Variants in SLFN12L observed in about 807,000 individuals in gnomAD.
The protein encoded by SLFN12L is schlafen family member 12-like.
SLFN12L carries 34 observed loss-of-function variants against 34.8 expected under a neutral mutation model. That is an observed-to-expected ratio of 0.98 (90% CI 0.74 to 1.30). The LOEUF (loss-of-function observed/expected upper bound fraction) is 1.30, where lower values mean the gene tolerates loss of function less well. Ranked by LOEUF, SLFN12L falls within the 50% of genes most tolerant of loss-of-function variation. SLFN12L has a pLI of 0.00. For synonymous variants in SLFN12L, 259 were observed against 247.5 expected, an observed-to-expected ratio of 1.05 and a Z score of -0.44; for missense variants, 703 against 696.2, an observed-to-expected ratio of 1.01 and a Z score of -0.11.
chr17:35,525,744 C>A (rs1441760498), intron 1 of SLFN12L, among the ~76,000 whole-genome samples: 3 of 152,134 alleles, frequency 2.0e-5, no homozygotes, highest in Non-Finnish European at 4.4e-5. Flanking sequence ...TGGTACCAGC[C>A]ACTTCAAAAA....
At chr17:35,478,308 A>C (rs1914129483) in intron 3 of SLFN12L, 123 bp from the exon 4 acceptor site, 1 of 604,648 alleles carries the variant, frequency 1.7e-6, no homozygotes. Flanking sequence ...CCAATACAGA[A>C]CATTAGATAT....
At position 35,466,181 on chromosome 17, in the gene SLFN12L, T is replaced by C. The variant is rs752018689; in HGVS notation, c.*8742A>G. On this transcript the variant is annotated 3_prime_UTR_variant, in exon 5 of 5. Coordinates refer to ENST00000628453, the MANE Select transcript of SLFN12L (RefSeq NM_001363830.2). ...ATCACTCAAAATCCATTGCGACTTTTACATTAGCGTTCATTCTTCTTGTAC... is the reference window on the plus strand; with the variant it reads ...ATCACTCAAAATCCATTGCGACTTTCACATTAGCGTTCATTCTTCTTGTAC... Among the ~76,000 whole-genome samples the C allele has an allele frequency of 3.3e-5, 5 of 152,208 alleles. No homozygotes were observed. Among genetic ancestry groups the C allele is most frequent in the Non-Finnish European group, 5.9e-5 (4 of 68,040 alleles).
intron 2 of SLFN12L, among the ~76,000 whole-genome samples, chr17:35,495,362 A>C (rs1915011540): frequency 1.3e-5 from 2 of 151,976 alleles, no homozygotes; most frequent in African/African-American, 2.4e-5. Flanking sequence ...AAGGGTTTCT[A>C]GGTAGGTCAA....
chr17:35,505,059 A>T (rs1915423439), intron 2 of SLFN12L, among the ~76,000 whole-genome samples: 2 of 152,356 alleles, frequency 1.3e-5, no homozygotes, highest in South Asian at 4.1e-4. Context: ...TTGAAGTCCC[A>T]TGAGGAATAC....
chr17:35,483,579 A>G (rs755505223), intron 2 of SLFN12L, among the ~76,000 whole-genome samples: 5 of 152,240 alleles, frequency 3.3e-5, no homozygotes, highest in Non-Finnish European at 7.3e-5. Flanking sequence ...TCTGTTATTT[A>G]TAAGTCACCC....
chr17:35,537,106 G>A (rs932492678), intron 1 of SLFN12L, among the ~76,000 whole-genome samples: 1 of 151,992 alleles, frequency 6.6e-6, no homozygotes, highest in Non-Finnish European at 1.5e-5. Context: ...TTGAGCCCTG[G>A]AAGGTCGAAG....
intron 2 of SLFN12L, among the ~76,000 whole-genome samples, chr17:35,482,974 A>C (rs1332115124): frequency 1.3e-5 from 2 of 152,090 alleles, no homozygotes; most frequent in Non-Finnish European, 2.9e-5. Flanking sequence ...GAAGAGATGA[A>C]GAGAGGACCA....
At chr17:35,501,885 AC>A (rs1330802591) in intron 2 of SLFN12L, among the ~76,000 whole-genome samples, 4 of 151,820 alleles carry the variant, frequency 2.6e-5, no homozygotes, top group Admixed American at 1.3e-4. Context: ...GTTTTAGACC[AC>A]CCCCCACAGT....
At position 35,530,541 on chromosome 17, in the gene SLFN12L, A is replaced by G. The variant is rs113587826; in HGVS notation, c.-606+7032T>C. Among the ~76,000 whole-genome samples, 38 of 24,308 alleles carry G rather than the reference A, an allele frequency of 1.6e-3. 3 individuals are homozygous for G. Among genetic ancestry groups the G allele is most frequent in the South Asian group, 1.2e-3 (1 of 820 alleles). 15.9% of individuals were successfully genotyped at this position (24,308 alleles called of 152,430 possible). A position where few individuals can be genotyped will look rare whatever the true frequency, so the allele number is the denominator to read the frequency against. On this transcript the variant is annotated intron_variant, in intron 1 of 4. Transcript: ENST00000628453. ...AGAAAAGAAAAGAAAAGAAAAGAAAAGAAAGAAAGAAAGAAAGAGAAAGGG... is the reference window on the plus strand; with the variant it reads ...AGAAAAGAAAAGAAAAGAAAAGAAAGGAAAGAAAGAAAGAAAGAGAAAGGG...
At chr17:35,512,150 A>ATTTTTT (rs34171279) in intron 2 of SLFN12L, among the ~76,000 whole-genome samples, 1 of 69,188 alleles carries the variant, frequency 1.4e-5, no homozygotes, top group Non-Finnish European at 2.7e-5. Context: ...AAAAGAGCTG[A>ATTTTTT]TTTTTTTTTT....
chr17:35,536,643 C>T (rs1031599308), intron 1 of SLFN12L, among the ~76,000 whole-genome samples: 13 of 151,374 alleles, frequency 8.6e-5, no homozygotes, highest in Non-Finnish European at 1.8e-4. Context: ...CCAGTCTCTA[C>T]AAAATATAAA....
rs1030339553 is a variant in SLFN12L at position 35,472,121 on chromosome 17, A to G, written c.*2802T>C. Among the ~76,000 whole-genome samples the G allele has an allele frequency of 1.2e-4, 18 of 152,164 alleles. No homozygotes were observed. The highest frequency in any genetic ancestry group is 4.1e-4 in the African/African-American group (17 of 41,432). ...TGCAATTGCTTTTGGTGTTTTTGTC[A>G]TGAAGTCTTTGCCCATGCCTATGTC... On this transcript the variant is annotated 3_prime_UTR_variant, in exon 5 of 5. Coordinates refer to ENST00000628453, the MANE Select transcript of SLFN12L (RefSeq NM_001363830.2).
chr17:35,526,591 C>A (rs1411303819), intron 1 of SLFN12L, among the ~76,000 whole-genome samples: 1 of 152,182 alleles, frequency 6.6e-6, no homozygotes, highest in East Asian at 1.9e-4. Flanking sequence ...AACTGAACAA[C>A]CTGCTCCTGA....
rs568112410 is a variant in SLFN12L, at chr17:35,490,097, G to A, written c.87-9902C>T. On this transcript the variant is annotated intron_variant, in intron 2 of 4. Transcript: ENST00000628453. Reference sequence around the variant, plus strand: ...AGCCACCGGCCCCCTCCTCCCCAGTGCCCCAGGCGCGGAGCAGACCGCCGG... The same window carrying A: ...AGCCACCGGCCCCCTCCTCCCCAGTACCCCAGGCGCGGAGCAGACCGCCGG... The A allele has an allele frequency of 4.6e-4, 746 of 1,606,656 alleles. 9 individuals carry two copies. In the East Asian group the frequency reaches 0.016, roughly 34 times the overall value.
chr17:35,488,980 G>C (rs1914724049), intron 2 of SLFN12L, among the ~76,000 whole-genome samples: 2 of 152,108 alleles, frequency 1.3e-5, no homozygotes, highest in South Asian at 4.1e-4. Context: ...TGAGGCAATA[G>C]AGTCTCTTGA....
intron 2 of SLFN12L, among the ~76,000 whole-genome samples, chr17:35,494,287 G>A (rs920807103): frequency 1.3e-5 from 2 of 151,774 alleles, no homozygotes; most frequent in Non-Finnish European, 2.9e-5. Flanking sequence ...TTGTTACAGG[G>A]TGACCTGTTC....
At chr17:35,504,651 G>C (rs1391331051) in intron 2 of SLFN12L, among the ~76,000 whole-genome samples, 2 of 152,146 alleles carry the variant, frequency 1.3e-5, no homozygotes, top group African/African-American at 4.8e-5. Flanking sequence ...GTCATGCCAA[G>C]CTCCCTCTGC....
chr17:35,489,658 G>A (rs1268380291), intron 2 of SLFN12L, among the ~76,000 whole-genome samples: 2 of 152,148 alleles, frequency 1.3e-5, no homozygotes, highest in Non-Finnish European at 2.9e-5. Flanking sequence ...GAGTGATTTA[G>A]ATGTGAAAAT....
chr17:35,530,409 GGAA>G (rs1567693491), intron 1 of SLFN12L, among the ~76,000 whole-genome samples: 1,031 of 12,222 alleles, frequency 0.084, 160 homozygotes, highest in East Asian at 0.4. Context: ...AAGGAAGGAA[GGAA>G]GGAAGGAAGG....
Sources: allele counts gnomAD v4.1 joint callset (sites outside exome capture counted in the v4.1 genomes callset), GRCh38; gene constraint gnomAD v4.1.1; transcripts MANE v1.5; gene names NCBI Gene and HGNC (gene_info 2026-07-23, HGNC 2026-07-21).